SDC2: variants seen among roughly 807,000 people sequenced by gnomAD.
SDC2 encodes syndecan 2, also known as syndecan-2.
In SDC2, 13 loss-of-function variants were observed where a neutral mutation model predicts 22.2. That is an observed-to-expected ratio of 0.59 (90% CI 0.38 to 0.93). The LOEUF (loss-of-function observed/expected upper bound fraction) is 0.93, where lower values mean the gene tolerates loss of function less well. Ranked by LOEUF, SDC2 falls within the 40% of genes least tolerant of loss-of-function variation. SDC2 has a pLI of 0.00. For missense variants in SDC2, 235 were observed against 246.8 expected, an observed-to-expected ratio of 0.95 and a Z score of 0.32; for synonymous variants, 94 against 92.8, an observed-to-expected ratio of 1.01 and a Z score of -0.07.
intron 2 of SDC2, among the ~76,000 whole-genome samples, chr8:96,600,355 A>G (rs1450504091): frequency 6.6e-6 from 1 of 152,228 alleles, no homozygotes; most frequent in African/African-American, 2.4e-5. Flanking sequence ...GTTGTTACAA[A>G]TTTGACAAAT....
chr8:96,591,931 A>C (rs2130630535), intron 1 of SDC2, among the ~76,000 whole-genome samples: 1 of 152,296 alleles, frequency 6.6e-6, no homozygotes, highest in East Asian at 1.9e-4. Context: ...GAGCTGTAGA[A>C]CACAGGGCTC....
At chr8:96,547,321 T>A (rs117692299) in intron 1 of SDC2, among the ~76,000 whole-genome samples, 2,453 of 152,354 alleles carry the variant, frequency 0.016, 29 homozygotes, top group Non-Finnish European at 0.025. Flanking sequence ...GCTTACACTA[T>A]AAAAGAGTTC....
intron 1 of SDC2, among the ~76,000 whole-genome samples, chr8:96,502,977 A>AAGGCCTACTTT (rs1415649507): frequency 6.6e-6 from 1 of 152,062 alleles, no homozygotes; most frequent in Non-Finnish European, 1.5e-5. Flanking sequence ...TATGCATGCT[A>AAGGCCTACTTT]AGGCCTACTT....
chr8:96,515,842 C>T (rs1387602207), intron 1 of SDC2, among the ~76,000 whole-genome samples: 3 of 152,114 alleles, frequency 2.0e-5, no homozygotes, highest in Non-Finnish European at 4.4e-5. Context: ...TTGAAAATCT[C>T]CCAAATGCCC....
chr8:96,601,561 A>G (rs1002531524), intron 2 of SDC2, among the ~76,000 whole-genome samples: 5 of 148,888 alleles, frequency 3.4e-5, no homozygotes, highest in Admixed American at 6.7e-5. Context: ...GAATCACTTC[A>G]ACCTGGAAGG....
At chr8:96,590,179 A>G (rs1021179661) in intron 1 of SDC2, among the ~76,000 whole-genome samples, 1 of 152,324 alleles carries the variant, frequency 6.6e-6, no homozygotes, top group African/African-American at 2.4e-5. Flanking sequence ...CAAAAGGGAA[A>G]GGTCTGAAAG....
chr8:96,599,266 C>T (rs1480013552), intron 2 of SDC2, among the ~76,000 whole-genome samples: 2 of 152,018 alleles, frequency 1.3e-5, no homozygotes, highest in Non-Finnish European at 2.9e-5. Context: ...AAAGTGCCAG[C>T]TTAAGGGGGA....
At chr8:96,496,971 A>T (rs1013929452) in intron 1 of SDC2, among the ~76,000 whole-genome samples, 1 of 152,222 alleles carries the variant, frequency 6.6e-6, no homozygotes, top group African/African-American at 2.4e-5. Flanking sequence ...CAGTAGTGAT[A>T]TGCTGCTGGT....
At chr8:96,526,180 C>T (rs1325970411) in intron 1 of SDC2, among the ~76,000 whole-genome samples, 2 of 152,094 alleles carry the variant, frequency 1.3e-5, no homozygotes, top group African/African-American at 2.4e-5. Flanking sequence ...TGGCTTTGCA[C>T]CTATGTTTGT....
At chr8:96,571,740 A>AATTTGTGACTAAACTTGTG (rs1329634039) in intron 1 of SDC2, among the ~76,000 whole-genome samples, 1 of 152,218 alleles carries the variant, frequency 6.6e-6, no homozygotes, top group Non-Finnish European at 1.5e-5. Context: ...GCTGCTCACA[A>AATTTGTGACTAAACTTGTG]ACTAAAACTG....
intron 1 of SDC2, among the ~76,000 whole-genome samples, chr8:96,519,950 G>A (rs763021125): frequency 2.6e-5 from 4 of 152,152 alleles, no homozygotes; most frequent in Non-Finnish European, 5.9e-5. Flanking sequence ...GTATAAAATT[G>A]ATGATATCAA....
At chr8:96,505,969 T>C (rs1813232404) in intron 1 of SDC2, among the ~76,000 whole-genome samples, 1 of 152,228 alleles carries the variant, frequency 6.6e-6, no homozygotes, top group Non-Finnish European at 1.5e-5. Flanking sequence ...ATGTAAAATA[T>C]GCATCAGTTT....
intron 1 of SDC2, among the ~76,000 whole-genome samples, chr8:96,494,940 A>G (rs997405865): frequency 6.6e-6 from 1 of 152,312 alleles, no homozygotes; most frequent in South Asian, 2.1e-4. Context: ...GTGGAATCGC[A>G]GTAGGCGATC....
intron 1 of SDC2, among the ~76,000 whole-genome samples, chr8:96,497,859 A>T (rs1813098721): frequency 6.6e-6 from 1 of 152,228 alleles, no homozygotes; most frequent in Non-Finnish European, 1.5e-5. Context: ...CATTGCCAAA[A>T]ATCAAACTAA....
chr8:96,505,963 A>G (rs1376246747), intron 1 of SDC2, among the ~76,000 whole-genome samples: 1 of 152,244 alleles, frequency 6.6e-6, no homozygotes, highest in Non-Finnish European at 1.5e-5. Context: ...TGTTATATGT[A>G]AAATATGCAT....
At chr8:96,588,956 A>G (rs1814731079) in intron 1 of SDC2, among the ~76,000 whole-genome samples, 2 of 152,224 alleles carry the variant, frequency 1.3e-5, no homozygotes, top group South Asian at 4.1e-4. Context: ...GAAAAATCAA[A>G]CAAATAGATT....
At chr8:96,527,622 G>A (rs1375821696) in intron 1 of SDC2, among the ~76,000 whole-genome samples, 1 of 152,164 alleles carries the variant, frequency 6.6e-6, no homozygotes, top group Non-Finnish European at 1.5e-5. Context: ...TAACCTACCA[G>A]TCCGAGTTAG....
chr8:96,605,336 C>T (rs867053457), intron 3 of SDC2, among the ~76,000 whole-genome samples: 2 of 152,204 alleles, frequency 1.3e-5, no homozygotes, highest in South Asian at 4.1e-4. Context: ...CCTTTTCTAA[C>T]TTGTAATAGT....
intron 1 of SDC2, among the ~76,000 whole-genome samples, chr8:96,500,734 T>G (rs1004721100): frequency 6.6e-6 from 1 of 151,856 alleles, no homozygotes; most frequent in Non-Finnish European, 1.5e-5. Context: ...TAGGTCTTAC[T>G]ATTAAAAATC....
Sources: allele counts gnomAD v4.1 joint callset (sites outside exome capture counted in the v4.1 genomes callset), GRCh38; gene constraint gnomAD v4.1.1; transcripts MANE v1.5; gene names NCBI Gene and HGNC (gene_info 2026-07-23, HGNC 2026-07-21).